DSCAM: variants seen among roughly 807,000 people sequenced by gnomAD.
DSCAM encodes the protein cell adhesion molecule DSCAM.
Under a neutral mutation model 217.7 loss-of-function variants are expected in DSCAM, and 47 were observed. The observed-to-expected ratio is 0.22, with a 90% CI of 0.17 to 0.28. DSCAM has a LOEUF of 0.28. Ranked by LOEUF, DSCAM falls within the 10% of genes least tolerant of loss-of-function variation. The probability of loss-of-function intolerance (pLI) is 1.00; values close to 1 mark genes in which losing one functional copy is unlikely to be tolerated. For synonymous variants in DSCAM, 1,056 were observed against 1,015.3 expected, an observed-to-expected ratio of 1.04 and a Z score of -0.76; for missense variants, 2,080 against 2,618.3, an observed-to-expected ratio of 0.79 and a Z score of 4.49.
At chr21:40,580,014 C>T (rs563688218) in intron 3 of DSCAM, among the ~76,000 whole-genome samples, 2 of 151,996 alleles carry the variant, frequency 1.3e-5, no homozygotes, top group Non-Finnish European at 2.9e-5. Context: ...TCAGATCATC[C>T]ACCAGAACCA....
At chr21:40,401,197 T>C (rs2075230186) in intron 3 of DSCAM, among the ~76,000 whole-genome samples, 1 of 152,216 alleles carries the variant, frequency 6.6e-6, no homozygotes, top group Non-Finnish European at 1.5e-5. Flanking sequence ...AAGTAACTTT[T>C]TTAAAGTTCT....
At chr21:40,661,267 G>A (rs1466537348) in intron 3 of DSCAM, among the ~76,000 whole-genome samples, 2 of 152,208 alleles carry the variant, frequency 1.3e-5, no homozygotes, top group South Asian at 4.1e-4. Flanking sequence ...TATAGAAAAT[G>A]TGAGTGGGAC....
At chr21:40,481,014 A>C (rs58442664) in intron 3 of DSCAM, among the ~76,000 whole-genome samples, 30,749 of 152,010 alleles carry the variant, frequency 0.2, 3,213 homozygotes, top group South Asian at 0.23. Context: ...TACACCCTGA[A>C]ATGCTGCAGC....
chr21:40,300,501 C>T (rs2074003261), intron 9 of DSCAM, among the ~76,000 whole-genome samples: 1 of 152,214 alleles, frequency 6.6e-6, no homozygotes, highest in African/African-American at 2.4e-5. Context: ...GCTCCACCTC[C>T]ACACACTTTG....
chr21:40,187,864 T>C lies in DSCAM; in HGVS notation c.2650+27A>G, dbSNP rs1390861763. The C allele has an allele frequency of 5.0e-6, 8 of 1,585,032 alleles. No individual in the cohort carries two copies. In the South Asian group the frequency reaches 7.7e-5, roughly 15 times the overall value. ...GCTCCCATCCTGAAATGACTGTGTT[T>C]ATTCTCTTACGCTATCGTCTTCCTA... On this transcript the variant is annotated intron_variant, in intron 13 of 32. Coordinates refer to ENST00000400454, the MANE Select transcript of DSCAM (RefSeq NM_001389.5).
intron 11 of DSCAM, among the ~76,000 whole-genome samples, chr21:40,244,509 A>G (rs1013155976): frequency 1.3e-5 from 2 of 151,630 alleles, no homozygotes; most frequent in Admixed American, 6.6e-5. Context: ...TCTCCATTTA[A>G]TCAATCATTT....
intron 3 of DSCAM, among the ~76,000 whole-genome samples, chr21:40,688,628 T>C (rs1253752894): frequency 1.3e-5 from 2 of 152,190 alleles, no homozygotes; most frequent in Admixed American, 6.5e-5. Context: ...GGATCTGTCA[T>C]ATTAACTGAG....
At chr21:40,109,753 G>C (rs2089870737) in intron 20 of DSCAM, among the ~76,000 whole-genome samples, 4 of 152,154 alleles carry the variant, frequency 2.6e-5, no homozygotes, top group Non-Finnish European at 5.9e-5. Context: ...TTAGCAAACG[G>C]CACACCAGGA....
chr21:40,493,833 A>C (rs554334300), intron 3 of DSCAM, among the ~76,000 whole-genome samples: 2 of 145,152 alleles, frequency 1.4e-5, no homozygotes, highest in Non-Finnish European at 3.0e-5. Context: ...ATTGCACTCC[A>C]GCTTGGGCAA....
At chr21:40,660,725 T>G (rs1265343816) in intron 3 of DSCAM, among the ~76,000 whole-genome samples, 5 of 152,222 alleles carry the variant, frequency 3.3e-5, no homozygotes, top group Non-Finnish European at 7.3e-5. Context: ...CCCCTGAGGC[T>G]TGCCTAAGCT....
rs751269277 is a variant in DSCAM at position 40,144,634 on chromosome 21, C to CTGATAATGT, written c.3107_3115dup (p.Asn1036_Ile1038dup). The CTGATAATGT allele has an allele frequency of 6.2e-7, 1 of 1,614,120 alleles. No individual in the cohort carries two copies. Among genetic ancestry groups the CTGATAATGT allele is most frequent in the Non-Finnish European group, 8.5e-7 (1 of 1,180,028 alleles). Reference sequence around the variant, plus strand: ...CTCACTGTCCCCGCTGGTGTCGACACTGATAATGTTGAATTGGAAGTTACC... The same window carrying CTGATAATGT: ...CTCACTGTCCCCGCTGGTGTCGACACTGATAATGTTGATAATGTTGAATTGGAAGTTACC... On this transcript the variant is annotated inframe_insertion, in exon 17 of 33. Coordinates refer to ENST00000400454, the MANE Select transcript of DSCAM (RefSeq NM_001389.5). The surrounding 1 kb of genome is among the most constrained non-coding windows in gnomAD (Gnocchi z 4.8).
intron 3 of DSCAM, among the ~76,000 whole-genome samples, chr21:40,400,379 T>G (rs1437820385): frequency 6.6e-6 from 1 of 152,248 alleles, no homozygotes; most frequent in African/African-American, 2.4e-5. Context: ...ACGTCTACCC[T>G]AATAGAATGC....
chr21:40,046,991 CT>C (rs1193767912), intron 30 of DSCAM, among the ~76,000 whole-genome samples: 1 of 151,996 alleles, frequency 6.6e-6, no homozygotes, highest in Non-Finnish European at 1.5e-5. Flanking sequence ...AGCCTGGTCT[CT>C]TTTCAAGTTA....
intron 1 of DSCAM, among the ~76,000 whole-genome samples, chr21:40,824,120 G>C (rs2091949740): frequency 6.6e-6 from 1 of 152,022 alleles, no homozygotes; most frequent in African/African-American, 2.4e-5. Context: ...TCCCCATTGG[G>C]CTCCCTCTGT....
chr21:40,482,859 G>C (rs763754303), intron 3 of DSCAM, among the ~76,000 whole-genome samples: 13 of 152,182 alleles, frequency 8.5e-5, no homozygotes, highest in Non-Finnish European at 1.6e-4. Flanking sequence ...AGAATGTCTT[G>C]CTTCTATCAG....
intron 11 of DSCAM, among the ~76,000 whole-genome samples, chr21:40,275,283 T>G (rs1048720722): frequency 6.6e-6 from 1 of 152,104 alleles, no homozygotes; most frequent in Non-Finnish European, 1.5e-5. Flanking sequence ...TGAGCTTTGA[T>G]GGCACCACTG....
At chr21:40,832,827 A>G (rs918384487) in intron 1 of DSCAM, among the ~76,000 whole-genome samples, 5 of 152,214 alleles carry the variant, frequency 3.3e-5, no homozygotes, top group African/African-American at 1.2e-4. Context: ...CCCATCAATG[A>G]CAACACCACC....
At chr21:40,081,358 C>T (rs184578398) in intron 24 of DSCAM, among the ~76,000 whole-genome samples, 4 of 152,214 alleles carry the variant, frequency 2.6e-5, no homozygotes, top group Middle Eastern at 3.4e-3. Flanking sequence ...GTCTCCTAAA[C>T]CCAAATGGGC....
chr21:40,724,259 T>C (rs1054765229), intron 1 of DSCAM, among the ~76,000 whole-genome samples: 1 of 152,210 alleles, frequency 6.6e-6, no homozygotes, highest in Non-Finnish European at 1.5e-5. Flanking sequence ...GTGAGCATTA[T>C]GATCACAGGC....
Sources: gnomAD v4.1 joint callset for allele counts (sites outside exome capture counted in the v4.1 genomes callset) on GRCh38, gnomAD v4.1.1 for gene constraint, Gnocchi (gnomAD v3.1) non-coding constraint, MANE v1.5 for transcripts, NCBI Gene and HGNC (gene_info 2026-07-23, HGNC 2026-07-21) for gene names.